Variants in SGCZ observed in about 807,000 individuals in gnomAD.
SGCZ encodes zeta-sarcoglycan.
A neutral mutation model predicts 41.3 loss-of-function variants in SGCZ; 40 were observed. The observed-to-expected ratio is 0.97, with a 90% CI of 0.75 to 1.26. The LOEUF (loss-of-function observed/expected upper bound fraction) is 1.26, where lower values mean the gene tolerates loss of function less well. Ranked by LOEUF, SGCZ falls within the 50% of genes most tolerant of loss-of-function variation. The probability of loss-of-function intolerance (pLI) is 0.00; values close to 1 mark genes in which losing one functional copy is unlikely to be tolerated. For synonymous variants in SGCZ, 206 were observed against 137.5 expected (o/e 1.50, Z -3.49); for missense variants, 552 against 369.8 (o/e 1.49, Z -4.04).
chr8:14,982,905 A>G (rs1801716207), intron 1 of SGCZ, among the ~76,000 whole-genome samples: 1 of 152,216 alleles, frequency 6.6e-6, no homozygotes, highest in African/African-American at 2.4e-5. Flanking sequence ...CCATTTTGCT[A>G]TATGGCATAT....
chr8:14,950,250 A>C (rs570646022), intron 1 of SGCZ, among the ~76,000 whole-genome samples: 1 of 152,066 alleles, frequency 6.6e-6, no homozygotes, highest in African/African-American at 2.4e-5. Flanking sequence ...TACGGGAAAC[A>C]ATAAGTAGGA....
chr8:14,566,664 G>A (rs1393614445), intron 1 of SGCZ, among the ~76,000 whole-genome samples: 2 of 152,252 alleles, frequency 1.3e-5, no homozygotes, highest in African/African-American at 4.8e-5. Context: ...CATGCTGGCA[G>A]CCCTCACAGC....
intron 1 of SGCZ, among the ~76,000 whole-genome samples, chr8:14,724,030 G>C (rs1254455806): frequency 6.6e-6 from 1 of 152,034 alleles, no homozygotes; most frequent in Non-Finnish European, 1.5e-5. Context: ...CACACTCTTG[G>C]TGTTAAAGAA....
At chr8:14,545,726 C>A (rs146638260) in intron 2 of SGCZ, among the ~76,000 whole-genome samples, 1,926 of 152,178 alleles carry the variant, frequency 0.013, 37 homozygotes, top group African/African-American at 0.044. Flanking sequence ...AAGTTCCCCA[C>A]CCCCTCACTC....
intron 1 of SGCZ, among the ~76,000 whole-genome samples, chr8:14,902,551 C>A (rs1455677108): frequency 1.3e-5 from 2 of 152,044 alleles, no homozygotes; most frequent in African/African-American, 2.4e-5. Flanking sequence ...ACTAAAATGG[C>A]AAGAGCATCT....
chr8:14,529,028 T>C (rs1412028639), intron 2 of SGCZ, among the ~76,000 whole-genome samples: 1 of 152,052 alleles, frequency 6.6e-6, no homozygotes, highest in African/African-American at 2.4e-5. Flanking sequence ...CAATTCTTTC[T>C]CATCAACATA....
chr8:14,187,593 T>C (rs1018140790), intron 4 of SGCZ, among the ~76,000 whole-genome samples: 2 of 151,826 alleles, frequency 1.3e-5, no homozygotes, highest in African/African-American at 4.8e-5. Context: ...CACTAAAGTG[T>C]TCCACAGTAG....
At chr8:14,334,602 T>C in intron 2 of SGCZ, among the ~76,000 whole-genome samples, 1 of 152,110 alleles carries the variant, frequency 6.6e-6, no homozygotes, top group East Asian at 1.9e-4. Flanking sequence ...TATTTGTGCT[T>C]TTTTGTTTGT....
At chr8:14,418,962 C>T (rs1799569091) in intron 2 of SGCZ, among the ~76,000 whole-genome samples, 1 of 151,934 alleles carries the variant, frequency 6.6e-6, no homozygotes, top group South Asian at 2.1e-4. Flanking sequence ...CCTGTATCTT[C>T]ATGTTAACTA....
chr8:14,103,776 A>AT (rs796376469), intron 6 of SGCZ, among the ~76,000 whole-genome samples: 22 of 151,948 alleles, frequency 1.4e-4, no homozygotes, highest in African/African-American at 2.4e-4. Flanking sequence ...AAACGTCTGT[A>AT]TTTTTTTTAT....
intron 5 of SGCZ, among the ~76,000 whole-genome samples, chr8:14,121,520 A>T (rs1802695474): frequency 6.6e-6 from 1 of 152,162 alleles, no homozygotes; most frequent in Non-Finnish European, 1.5e-5. Flanking sequence ...CTTCTTTCAA[A>T]TTATACAGGG....
intron 1 of SGCZ, among the ~76,000 whole-genome samples, chr8:15,224,506 C>T (rs17472519): frequency 3.3e-5 from 5 of 152,176 alleles, no homozygotes; most frequent in African/African-American, 7.2e-5. Flanking sequence ...TACTACCATA[C>T]GTACCTCAAA....
rs527453563 is a variant in SGCZ at position 14,124,069 on chromosome 8, G to A, written c.548-15834C>T. ...ACAGATTGACTCAGAAGGGAGCTCA[G>A]ACCAGGAATCACCTTGATATCATCT... On this transcript the variant is annotated intron_variant, in intron 5 of 7. Coordinates refer to ENST00000382080, the MANE Select transcript of SGCZ (RefSeq NM_139167.4). 2.0e-5 allele frequency among the ~76,000 whole-genome samples: 3 copies of A among 152,246 alleles called. No individual in the cohort carries two copies. In the South Asian group the frequency reaches 6.2e-4, roughly 32 times the overall value.
At chr8:15,071,699 C>G (rs1248167945) in intron 1 of SGCZ, among the ~76,000 whole-genome samples, 1 of 151,954 alleles carries the variant, frequency 6.6e-6, no homozygotes, top group African/African-American at 2.4e-5. Context: ...GGGTACCAAC[C>G]TCAAAGTTAA....
chr8:14,476,360 G>C (rs1801360572), intron 2 of SGCZ, among the ~76,000 whole-genome samples: 1 of 151,978 alleles, frequency 6.6e-6, no homozygotes. Flanking sequence ...CCATAATAAT[G>C]AATATGAGCT....
chr8:14,925,517 C>T (rs1799720033), intron 1 of SGCZ, among the ~76,000 whole-genome samples: 1 of 152,130 alleles, frequency 6.6e-6, no homozygotes, highest in Non-Finnish European at 1.5e-5. Context: ...TTTTCATTCT[C>T]AAGGAGATGC....
chr8:14,381,498 G>A (rs1047373074), intron 2 of SGCZ, among the ~76,000 whole-genome samples: 2 of 152,026 alleles, frequency 1.3e-5, no homozygotes, highest in Non-Finnish European at 2.9e-5. Context: ...ATAGCAGCCA[G>A]GCACGGTGAC....
chr8:14,703,592 C>G (rs1370574907), intron 1 of SGCZ, among the ~76,000 whole-genome samples: 1 of 151,924 alleles, frequency 6.6e-6, no homozygotes, highest in African/African-American at 2.4e-5. Flanking sequence ...TTGGTATATA[C>G]TCTATATATG....
At chr8:14,288,995 T>C (rs1225562432) in intron 3 of SGCZ, among the ~76,000 whole-genome samples, 8 of 152,142 alleles carry the variant, frequency 5.3e-5, no homozygotes, top group Non-Finnish European at 8.8e-5. Context: ...TGATATCTTA[T>C]TGTGGTTTTT....
Sources: gnomAD v4.1 joint callset for allele counts (sites outside exome capture counted in the v4.1 genomes callset) on GRCh38, gnomAD v4.1.1 for gene constraint, MANE v1.5 for transcripts, NCBI Gene and HGNC (gene_info 2026-07-23, HGNC 2026-07-21) for gene names.